The following ANKFN1 variants were observed in gnomAD, a reference collection of about 807,000 sequenced individuals.
ANKFN1 encodes ankyrin repeat and fibronectin type III domain containing 1, also known as ankyrin repeat and fibronectin type-III domain-containing protein 1.
Under a neutral mutation model 108.7 loss-of-function variants are expected in ANKFN1, and 74 were observed. The observed-to-expected ratio is 0.68, with a 90% CI of 0.56 to 0.83. The LOEUF (loss-of-function observed/expected upper bound fraction) is 0.83. ANKFN1 is among the 40% of genes least tolerant of loss of function. The pLI, the probability that ANKFN1 is intolerant of heterozygous loss-of-function variation, is 0.00. For synonymous variants in ANKFN1, 547 were observed against 516.2 expected (o/e 1.06, Z -0.81); for missense variants, 1,505 against 1,382.3 (o/e 1.09, Z -1.41).
intron 4 of ANKFN1, among the ~76,000 whole-genome samples, chr17:56,049,696 C>T (rs1157415517): frequency 1.3e-5 from 2 of 149,682 alleles, no homozygotes; most frequent in South Asian, 2.1e-4. Flanking sequence ...CCAATTTCAT[C>T]CATGTCCCTA....
At position 56,374,779 on chromosome 17, in the gene ANKFN1, A is replaced by G. The variant is rs938768817; in HGVS notation, c.910+65A>G. The G allele has an allele frequency of 4.6e-6, 6 of 1,292,734 alleles. No homozygotes were observed. In the African/African-American group the frequency reaches 5.9e-5, roughly 13 times the overall value. The allele number at this position is 1,292,734 out of a possible 1,614,324, so 80.1% of individuals were successfully genotyped here. A position where few individuals can be genotyped will look rare whatever the true frequency, so the allele number is the denominator to read the frequency against. On this transcript the variant is annotated intron_variant, in intron 8 of 20. Coordinates refer to ENST00000682825, the MANE Select transcript of ANKFN1 (RefSeq NM_001370326.1). Reference sequence around the variant, plus strand: ...AAAAGCATCTGCTGTTTGAGAATCAATAGTGCATTTTGTGTGTTTGTTTTT... The same window carrying G: ...AAAAGCATCTGCTGTTTGAGAATCAGTAGTGCATTTTGTGTGTTTGTTTTT...
chr17:56,238,020 A>G (rs1011582355), intron 3 of ANKFN1, among the ~76,000 whole-genome samples: 4 of 152,218 alleles, frequency 2.6e-5, no homozygotes, highest in South Asian at 2.1e-4. Flanking sequence ...TATCTGCCTT[A>G]ATTTCATTAC....
At chr17:56,324,636 A>G (rs184000968) in intron 3 of ANKFN1, among the ~76,000 whole-genome samples, 1 of 152,336 alleles carries the variant, frequency 6.6e-6, no homozygotes, top group African/African-American at 2.4e-5. Context: ...AAGGTGTGCA[A>G]GAGAAGCCGG....
intron 3 of ANKFN1, among the ~76,000 whole-genome samples, chr17:56,265,205 T>A (rs1188196427): frequency 6.6e-6 from 1 of 152,158 alleles, no homozygotes; most frequent in East Asian, 1.9e-4. Context: ...GCTCTAAAGA[T>A]ACTACCTGAG....
intron 3 of ANKFN1, among the ~76,000 whole-genome samples, chr17:56,258,935 A>C (rs942100156): frequency 2.0e-5 from 3 of 152,064 alleles, no homozygotes; most frequent in African/African-American, 7.2e-5. Flanking sequence ...TAAATAAATA[A>C]ATAAATAAAT....
intron 8 of ANKFN1, among the ~76,000 whole-genome samples, chr17:56,439,515 C>T (rs2145154453): frequency 6.6e-6 from 1 of 152,196 alleles, no homozygotes; most frequent in African/African-American, 2.4e-5. Flanking sequence ...ATTTGTATGA[C>T]TTAACTAGAA....
intron 3 of ANKFN1, among the ~76,000 whole-genome samples, chr17:56,274,650 G>A (rs2144203176): frequency 6.6e-6 from 1 of 152,252 alleles, no homozygotes; most frequent in African/African-American, 2.4e-5. Flanking sequence ...TAGAGGCACT[G>A]AAAAGCTTGA....
At chr17:56,085,506 C>A (rs1905300623) in intron 4 of ANKFN1, among the ~76,000 whole-genome samples, 1 of 151,056 alleles carries the variant, frequency 6.6e-6, no homozygotes, top group Non-Finnish European at 1.5e-5. Flanking sequence ...CCTACCAATA[C>A]CTCGATTTCA....
At chr17:56,425,337 C>A (rs2048528574) in intron 8 of ANKFN1, among the ~76,000 whole-genome samples, 1 of 152,126 alleles carries the variant, frequency 6.6e-6, no homozygotes, top group South Asian at 2.1e-4. Context: ...TTAACTGGTA[C>A]CACATCTGAC....
intron 4 of ANKFN1, among the ~76,000 whole-genome samples, chr17:56,063,529 C>G (rs1469362580): frequency 1.3e-5 from 2 of 151,310 alleles, no homozygotes; most frequent in African/African-American, 4.9e-5. Flanking sequence ...CTTTCTTCTG[C>G]TTGGTCGATT....
intron 4 of ANKFN1, among the ~76,000 whole-genome samples, chr17:56,060,546 C>T (rs1328728012): frequency 6.6e-6 from 1 of 151,812 alleles, no homozygotes; most frequent in Non-Finnish European, 1.5e-5. Context: ...TTGCCCATTT[C>T]ATATGATAGT....
At chr17:56,379,982 C>T (rs540483189) in intron 8 of ANKFN1, among the ~76,000 whole-genome samples, 56 of 152,282 alleles carry the variant, frequency 3.7e-4, no homozygotes, top group African/African-American at 1.1e-3. Context: ...GTTATTCACG[C>T]GCATTGTCTC....
chr17:56,498,917 C>A lies in ANKFN1; in HGVS notation c.2463C>A (p.Ile821=), dbSNP rs1379178701. 2.6e-6 allele frequency: 4 copies of A among 1,535,474 alleles called. No homozygotes were observed. The highest frequency in any genetic ancestry group is 2.7e-5 in the African/African-American group (2 of 72,994). Reference sequence around the variant, plus strand: ...AAGTCTGGCGTGAAATGAGATGGATCATGGATGCTCTACAGTATGCAAGAT... The same window carrying A: ...AAGTCTGGCGTGAAATGAGATGGATAATGGATGCTCTACAGTATGCAAGAT... ...IDEVWREMRW[I]MDALQYARYK... is the part of the protein sequence containing the mutation. The change falls in exon 20 of 21, where the codon ATC becomes ATA. Residue 821 remains isoleucine, a synonymous_variant. Transcript: ENST00000682825.
chr17:56,433,479 A>G (rs992474792), intron 8 of ANKFN1, among the ~76,000 whole-genome samples: 3 of 152,144 alleles, frequency 2.0e-5, no homozygotes, highest in African/African-American at 7.2e-5. Flanking sequence ...TATATATATG[A>G]TGGAATACTA....
At chr17:56,305,644 T>C in intron 3 of ANKFN1, among the ~76,000 whole-genome samples, 1 of 152,246 alleles carries the variant, frequency 6.6e-6, no homozygotes, top group East Asian at 1.9e-4. Context: ...TAAGTTCATG[T>C]TGTTAAAGTC....
At chr17:56,192,303 A>T (rs1157856092) in intron 1 of ANKFN1, among the ~76,000 whole-genome samples, 6 of 135,342 alleles carry the variant, frequency 4.4e-5, no homozygotes, top group Admixed American at 8.0e-5. Flanking sequence ...AAACCCTAGA[A>T]GAAAACCTAG....
intron 4 of ANKFN1, among the ~76,000 whole-genome samples, chr17:56,055,596 T>TATATATATATATATATATAC (rs768200056): frequency 9.2e-5 from 12 of 130,634 alleles, no homozygotes; most frequent in African/African-American, 2.8e-4. Flanking sequence ...TATGTATATA[T>TATATATATATATATATATAC]ACACATTTTT....
intron 3 of ANKFN1, among the ~76,000 whole-genome samples, chr17:56,267,945 G>T (rs960841075): frequency 6.6e-6 from 1 of 151,910 alleles, no homozygotes; most frequent in African/African-American, 2.4e-5. Context: ...TTGGCATTTT[G>T]ATAGAAATAG....
At chr17:56,302,546 G>A in intron 3 of ANKFN1, among the ~76,000 whole-genome samples, 2 of 150,480 alleles carry the variant, frequency 1.3e-5, no homozygotes, top group Admixed American at 1.3e-4. Context: ...GAGAGAGAGT[G>A]AGAGAAAAGA....
Sources: gnomAD v4.1 joint callset for allele counts (sites outside exome capture counted in the v4.1 genomes callset) on GRCh38, gnomAD v4.1.1 for gene constraint, MANE v1.5 for transcripts, NCBI Gene and HGNC (gene_info 2026-07-23, HGNC 2026-07-21) for gene names.